EZH1: variants seen among roughly 807,000 people sequenced by gnomAD.
EZH1 encodes histone-lysine N-methyltransferase EZH1.
EZH1 carries 33 observed loss-of-function variants against 100.5 expected under a neutral mutation model. The ratio of observed to expected loss-of-function variants is 0.33; its 90% CI spans 0.25 to 0.44. The LOEUF (loss-of-function observed/expected upper bound fraction) is 0.44, where lower values mean the gene tolerates loss of function less well. Among genes scored for constraint, EZH1 ranks in the 20% least tolerant of loss-of-function variants. The probability of loss-of-function intolerance (pLI) is 1.00; values close to 1 mark genes in which losing one functional copy is unlikely to be tolerated. For synonymous variants in EZH1, 272 were observed against 313.8 expected (o/e 0.87, Z 1.41); for missense variants, 475 against 928.4 (o/e 0.51, Z 6.35).
chr17:42,718,076 CA>C lies in EZH1; in HGVS notation c.932-10del. The stretch of plus-strand genomic sequence containing the variant: ...AGGGGTGGCATGAAAAGCTGGAAAA[CA>C]AAAACTGTCTTGTTGCCAGTGGTCT... On this transcript the variant is annotated splice_polypyrimidine_tract_variant and intron_variant, in intron 9 of 20. Coordinates refer to ENST00000428826, the MANE Select transcript of EZH1 (RefSeq NM_001991.5). The surrounding 1 kb of genome is among the most constrained non-coding windows in gnomAD (Gnocchi z 4.2). 6.2e-7 allele frequency: 1 copy of C among 1,612,338 alleles called. No individual in the cohort carries two copies. The highest frequency in any genetic ancestry group is 8.5e-7 in the Non-Finnish European group (1 of 1,178,528).
intron 1 of EZH1, among the ~76,000 whole-genome samples, chr17:42,734,990 C>A (rs946364769): frequency 8.5e-6 from 1 of 118,208 alleles, no homozygotes; most frequent in African/African-American, 3.2e-5. Context: ...GAGACTCGGT[C>A]TCAAAAAAAG....
intron 1 of EZH1, among the ~76,000 whole-genome samples, chr17:42,740,630 A>G (rs2054159306): frequency 6.6e-6 from 1 of 152,146 alleles, no homozygotes; most frequent in South Asian, 2.1e-4. Context: ...GATTACAGAC[A>G]TGAGCCACCG....
At chr17:42,732,909 A>G (rs994204860) in intron 1 of EZH1, among the ~76,000 whole-genome samples, 4 of 151,246 alleles carry the variant, frequency 2.6e-5, no homozygotes, top group African/African-American at 9.7e-5. Context: ...CTGAGATTGC[A>G]CCACTGCGCT....
chr17:42,725,144 C>A (rs188605583), intron 4 of EZH1, among the ~76,000 whole-genome samples: 1 of 151,788 alleles, frequency 6.6e-6, no homozygotes, highest in Non-Finnish European at 1.5e-5. Flanking sequence ...TCCAGCCTGG[C>A]GACATAGCGA....
At chr17:42,707,484 T>A (rs1045951094) in intron 15 of EZH1, among the ~76,000 whole-genome samples, 1 of 152,140 alleles carries the variant, frequency 6.6e-6, no homozygotes, top group Non-Finnish European at 1.5e-5. Flanking sequence ...TGGTCTTGAG[T>A]CCTGACCTTA....
chr17:42,733,921 C>CA (rs1041723850), intron 1 of EZH1, among the ~76,000 whole-genome samples: 39 of 115,010 alleles, frequency 3.4e-4, no homozygotes, highest in African/African-American at 1.4e-3. Flanking sequence ...TGCCTGGTGA[C>CA]AGAGCGAGAC....
intron 1 of EZH1, among the ~76,000 whole-genome samples, chr17:42,742,647 A>G (rs1376005635): frequency 2.0e-5 from 3 of 152,150 alleles, no homozygotes; most frequent in Admixed American, 2.0e-4. Context: ...ATATATGTTG[A>G]GCACCTACTA....
At chr17:42,716,205 A>G (rs1424196838) in intron 10 of EZH1, among the ~76,000 whole-genome samples, 1 of 152,216 alleles carries the variant, frequency 6.6e-6, no homozygotes, top group African/African-American at 2.4e-5. Context: ...AATAGAGGAT[A>G]CTATACAATT....
intron 5 of EZH1, among the ~76,000 whole-genome samples, chr17:42,723,293 T>C (rs1182138780): frequency 6.6e-6 from 1 of 151,810 alleles, no homozygotes; most frequent in Admixed American, 6.6e-5. Flanking sequence ...GAGAATCGCT[T>C]GAACCTGGGA....
rs1432203991 is a variant in EZH1 at position 42,745,010 on chromosome 17, C to A, written c.-103+1G>T. 15 of 1,273,720 alleles carry A rather than the reference C, an allele frequency of 1.2e-5. No homozygotes were observed. Among genetic ancestry groups the A allele is most frequent in the African/African-American group, 1.6e-5 (1 of 63,762 alleles). 78.9% of individuals were successfully genotyped at this position (1,273,720 alleles called of 1,614,324 possible). A position where few individuals can be genotyped will look rare whatever the true frequency, so the allele number is the denominator to read the frequency against. On this transcript the variant is annotated splice_donor_variant, in intron 1 of 20. Coordinates refer to ENST00000428826, the MANE Select transcript of EZH1 (RefSeq NM_001991.5). LOFTEE classifies it low-confidence loss of function (5UTR_SPLICE). ...CGGCCCAGGCTTGTTTACTCACTCACCCTCCATCCCGAGCCGCGGGTCCCG... is the reference window on the plus strand; with the variant it reads ...CGGCCCAGGCTTGTTTACTCACTCAACCTCCATCCCGAGCCGCGGGTCCCG...
At chr17:42,722,307 T>C (rs550336640) in intron 6 of EZH1, among the ~76,000 whole-genome samples, 1 of 139,106 alleles carries the variant, frequency 7.2e-6, no homozygotes, top group Non-Finnish European at 1.6e-5. Flanking sequence ...ACTGAGTGAG[T>C]CCCTGTCTCT....
At chr17:42,741,803 C>T (rs1288446696) in intron 1 of EZH1, among the ~76,000 whole-genome samples, 1 of 152,130 alleles carries the variant, frequency 6.6e-6, no homozygotes, top group African/African-American at 2.4e-5. Context: ...ATCCTCCCTA[C>T]TCAGCCTCCT....
chr17:42,718,686 A>C lies in EZH1; in HGVS notation c.768-69T>G. On this transcript the variant is annotated intron_variant, in intron 8 of 20. Coordinates refer to ENST00000428826, the MANE Select transcript of EZH1 (RefSeq NM_001991.5). This position sits in a 1 kb window ranked among gnomAD's most constrained non-coding sequence, Gnocchi z 4.2. ...TCCACTGAGGAAATACAGATTGGGT[A>C]CTGACAGTAGCTCACCTACGGTCTG... The C allele has an allele frequency of 6.4e-7, 1 of 1,553,172 alleles. No homozygotes were observed. Among genetic ancestry groups the C allele is most frequent in the East Asian group, 2.3e-5 (1 of 44,434 alleles).
Position 42,718,168 on chromosome 17 carries a change from A to T in EZH1, c.932-101T>A, listed in dbSNP as rs980965764. Reference sequence around the variant, plus strand: ...GAGCTATTGTAGGAGTTAGAATTCGATATAAACGGCTACCATCAGGGTGCA... The same window carrying T: ...GAGCTATTGTAGGAGTTAGAATTCGTTATAAACGGCTACCATCAGGGTGCA... On this transcript the variant is annotated intron_variant, in intron 9 of 20. Coordinates refer to ENST00000428826, the MANE Select transcript of EZH1 (RefSeq NM_001991.5). The surrounding 1 kb of genome is among the most constrained non-coding windows in gnomAD (Gnocchi z 4.2). 11 of 1,095,062 alleles carry T rather than the reference A, an allele frequency of 1.0e-5. No individual in the cohort carries two copies. Among genetic ancestry groups the T allele is most frequent in the African/African-American group, 9.3e-5 (6 of 64,460 alleles). 67.8% of individuals were successfully genotyped at this position (1,095,062 alleles called of 1,614,324 possible). A position where few individuals can be genotyped will look rare whatever the true frequency, so the allele number is the denominator to read the frequency against.
chr17:42,710,942 C>T (rs1386654066), intron 12 of EZH1, among the ~76,000 whole-genome samples: 1 of 151,988 alleles, frequency 6.6e-6, no homozygotes, highest in Admixed American at 6.6e-5. Flanking sequence ...ATTAATTGTT[C>T]TCAGTACAGG....
intron 10 of EZH1, among the ~76,000 whole-genome samples, chr17:42,717,674 C>A (rs1055157413): frequency 1.3e-5 from 2 of 152,144 alleles, no homozygotes; most frequent in African/African-American, 2.4e-5. Context: ...TACCCACCCC[C>A]CCAGCATACA....
At position 42,708,089 on chromosome 17, in the gene EZH1, A is replaced by G. The variant is rs750969784; in HGVS notation, c.1535-6T>C. ...CACTTGTGTGGAAGAGTTATCTAGG[A>G]AAGAAAACAGAGGAGGATGCTGCTG... On this transcript the variant is annotated splice_polypyrimidine_tract_variant and splice_region_variant and intron_variant, in intron 14 of 20. Transcript: ENST00000428826. 2.9e-5 allele frequency: 46 copies of G among 1,598,018 alleles called. No individual in the cohort carries two copies. The South Asian group carries it at 3.0e-4, about 10-fold the overall frequency.
intron 5 of EZH1, among the ~76,000 whole-genome samples, chr17:42,723,158 T>C (rs567438197): frequency 6.6e-6 from 1 of 152,092 alleles, no homozygotes. Flanking sequence ...AGGCGGATCA[T>C]GAGGTCAGGA....
chr17:42,739,106 T>G (rs77168140), intron 1 of EZH1, among the ~76,000 whole-genome samples: 1,639 of 152,276 alleles, frequency 0.011, 51 homozygotes, highest in South Asian at 0.096. Flanking sequence ...TGATTCATAG[T>G]GTAATTGAAA....
Sources: allele counts gnomAD v4.1 joint callset (sites outside exome capture counted in the v4.1 genomes callset), GRCh38; gene constraint gnomAD v4.1.1; non-coding constraint Gnocchi (gnomAD v3.1); transcripts MANE v1.5; gene names NCBI Gene and HGNC (gene_info 2026-07-23, HGNC 2026-07-21).